Variants in CDH13 observed in about 807,000 individuals in gnomAD.
CDH13 encodes cadherin 13.
A neutral mutation model predicts 63.8 loss-of-function variants in CDH13; 24 were observed. The observed-to-expected ratio is 0.38, with a 90% CI of 0.27 to 0.53. The LOEUF (loss-of-function observed/expected upper bound fraction) is 0.53. Ranked by LOEUF, CDH13 falls within the 20% of genes least tolerant of loss-of-function variation. CDH13 has a pLI of 0.85. For synonymous variants in CDH13, 503 were observed against 355.3 expected (o/e 1.42, Z -4.67); for missense variants, 1,049 against 903.1 (o/e 1.16, Z -2.07).
intron 7 of CDH13, among the ~76,000 whole-genome samples, chr16:83,558,063 TCACA>T (rs1202520211): frequency 1.3e-5 from 2 of 152,172 alleles, no homozygotes; most frequent in African/African-American, 4.8e-5. Flanking sequence ...CCAGCAATGC[TCACA>T]CAGTCTACAG....
At chr16:82,666,346 C>G (rs961712629) in intron 1 of CDH13, among the ~76,000 whole-genome samples, 6 of 152,334 alleles carry the variant, frequency 3.9e-5, no homozygotes, top group East Asian at 1.9e-4. Flanking sequence ...GGCAGTTGAT[C>G]CTACTTTCAA....
At chr16:83,400,858 T>G (rs945143534) in intron 6 of CDH13, among the ~76,000 whole-genome samples, 1 of 152,134 alleles carries the variant, frequency 6.6e-6, no homozygotes, top group African/African-American at 2.4e-5. Flanking sequence ...TACTTTAAAA[T>G]TCGGTCCTGT....
intron 1 of CDH13, among the ~76,000 whole-genome samples, chr16:82,713,861 A>G (rs553153638): frequency 2.0e-5 from 3 of 151,282 alleles, no homozygotes; most frequent in Admixed American, 6.6e-5. Flanking sequence ...TAACAGGGCT[A>G]TTGTAGGAAT....
At chr16:83,220,724 G>A (rs148028619) in intron 5 of CDH13, among the ~76,000 whole-genome samples, 6 of 149,838 alleles carry the variant, frequency 4.0e-5, no homozygotes, top group South Asian at 2.1e-4. Context: ...TCATAATAGC[G>A]CCAATGTTTC....
chr16:83,428,139 G>T (rs1367559031), intron 6 of CDH13, among the ~76,000 whole-genome samples: 1 of 152,180 alleles, frequency 6.6e-6, no homozygotes, highest in Non-Finnish European at 1.5e-5. Context: ...TGAATAGGGG[G>T]AAATGGCACC....
intron 4 of CDH13, among the ~76,000 whole-genome samples, chr16:83,160,145 T>G (rs2037386042): frequency 6.6e-6 from 1 of 152,142 alleles, no homozygotes. Flanking sequence ...GTACCATGAT[T>G]CAAACTATGA....
At chr16:83,708,963 G>A (rs1907575481) in intron 10 of CDH13, among the ~76,000 whole-genome samples, 1 of 152,216 alleles carries the variant, frequency 6.6e-6, no homozygotes, top group African/African-American at 2.4e-5. Context: ...GGCGGAGGTT[G>A]TGATGAGCCA....
intron 11 of CDH13, among the ~76,000 whole-genome samples, chr16:83,760,342 A>G (rs148047177): frequency 3.9e-4 from 60 of 152,380 alleles, no homozygotes; most frequent in African/African-American, 1.4e-3. Context: ...TCCAGGAATT[A>G]CATGCCTAGG....
intron 11 of CDH13, among the ~76,000 whole-genome samples, chr16:83,757,185 A>C (rs530789584): frequency 6.6e-6 from 1 of 152,230 alleles, no homozygotes; most frequent in Non-Finnish European, 1.5e-5. Context: ...ATAATCAAAA[A>C]CAAAAATAGA....
intron 4 of CDH13, among the ~76,000 whole-genome samples, chr16:83,192,655 G>T (rs976085405): frequency 6.6e-6 from 1 of 152,142 alleles, no homozygotes; most frequent in African/African-American, 2.4e-5. Context: ...CTTTAACAGG[G>T]AGCTTAAAAT....
At chr16:83,185,449 CAAATT>C (rs969256910) in intron 4 of CDH13, among the ~76,000 whole-genome samples, 14 of 152,116 alleles carry the variant, frequency 9.2e-5, no homozygotes, top group African/African-American at 2.7e-4. Flanking sequence ...AAAATTGAGA[CAAATT>C]AAAGTGAAAG....
chr16:83,422,507 A>G (rs542944021), intron 6 of CDH13, among the ~76,000 whole-genome samples: 21 of 152,332 alleles, frequency 1.4e-4, no homozygotes, highest in African/African-American at 4.3e-4. Context: ...GAGACAGAAA[A>G]GAGTTTAATT....
At chr16:83,456,345 C>T (rs1018482286) in intron 6 of CDH13, among the ~76,000 whole-genome samples, 6 of 152,192 alleles carry the variant, frequency 3.9e-5, no homozygotes, top group Non-Finnish European at 8.8e-5. Flanking sequence ...AGTGAGGCCC[C>T]GTCTTAGGTA....
chr16:83,050,118 TC>T (rs1483614116), intron 3 of CDH13, among the ~76,000 whole-genome samples: 1 of 152,156 alleles, frequency 6.6e-6, no homozygotes, highest in Non-Finnish European at 1.5e-5. Flanking sequence ...ATGCTAGGTT[TC>T]CACTTAGAGC....
chr16:82,976,120 A>G (rs1281608705), intron 2 of CDH13, among the ~76,000 whole-genome samples: 6 of 152,228 alleles, frequency 3.9e-5, no homozygotes. Flanking sequence ...AGTATTTTTC[A>G]AGATAAGATT....
At chr16:83,786,446 A>T (rs1381930560) in intron 13 of CDH13, among the ~76,000 whole-genome samples, 1 of 152,220 alleles carries the variant, frequency 6.6e-6, no homozygotes, top group Non-Finnish European at 1.5e-5. Flanking sequence ...CTTGAGGAAT[A>T]GGGCGTTGGG....
chr16:83,688,604 A>AT (rs1904541027), intron 10 of CDH13, among the ~76,000 whole-genome samples: 1 of 152,150 alleles, frequency 6.6e-6, no homozygotes. Flanking sequence ...GGATGAGGTC[A>AT]TTTTTTTGGT....
intron 2 of CDH13, among the ~76,000 whole-genome samples, chr16:82,874,767 A>C (rs1321963411): frequency 6.6e-6 from 1 of 152,180 alleles, no homozygotes; most frequent in Non-Finnish European, 1.5e-5. Flanking sequence ...CCATGGAAGG[A>C]AGTCTGTTGA....
intron 6 of CDH13, among the ~76,000 whole-genome samples, chr16:83,390,862 C>A (rs1357442040): frequency 2.0e-5 from 3 of 152,182 alleles, no homozygotes; most frequent in East Asian, 1.9e-4. Context: ...TTTGCTGTCA[C>A]CCCCTGACAC....
Sources: allele counts gnomAD v4.1 joint callset (sites outside exome capture counted in the v4.1 genomes callset), GRCh38; gene constraint gnomAD v4.1.1; transcripts MANE v1.5; gene names NCBI Gene and HGNC (gene_info 2026-07-23, HGNC 2026-07-21).